Variants in DPYD observed in about 807,000 individuals in gnomAD.
The protein encoded by DPYD is dihydropyrimidine dehydrogenase.
A neutral mutation model predicts 116.2 loss-of-function variants in DPYD; 109 were observed. The observed-to-expected ratio is 0.94, with a 90% CI of 0.80 to 1.10. The LOEUF (loss-of-function observed/expected upper bound fraction) is 1.10, where lower values mean the gene tolerates loss of function less well. Ranked by LOEUF, DPYD falls within the 50% of genes least tolerant of loss-of-function variation. DPYD has a pLI of 0.00. For synonymous variants in DPYD, 440 were observed against 432.0 expected (o/e 1.02, Z -0.23); for missense variants, 1,302 against 1,254.5 (o/e 1.04, Z -0.57).
chr1:97,264,625 T>C (rs1664114064), intron 18 of DPYD, among the ~76,000 whole-genome samples: 1 of 152,128 alleles, frequency 6.6e-6, no homozygotes, highest in Non-Finnish European at 1.5e-5. Flanking sequence ...TACACAGTAA[T>C]AAATTTTTCC....
intron 19 of DPYD, among the ~76,000 whole-genome samples, chr1:97,229,698 T>C (rs987806806): frequency 6.9e-4 from 105 of 151,712 alleles, no homozygotes; most frequent in Non-Finnish European, 1.3e-3. Flanking sequence ...TCTTTAAATT[T>C]CTACAGATTA....
chr1:97,442,321 T>C (rs1283890070), intron 14 of DPYD, among the ~76,000 whole-genome samples: 2 of 150,440 alleles, frequency 1.3e-5, no homozygotes, highest in Admixed American at 6.7e-5. Flanking sequence ...ATTTTTGTTG[T>C]TGTTTCCATT....
intron 20 of DPYD, among the ~76,000 whole-genome samples, chr1:97,161,200 T>C (rs1038867366): frequency 2.6e-5 from 4 of 152,174 alleles, no homozygotes; most frequent in African/African-American, 7.2e-5. Context: ...TTCAAGGATT[T>C]TTCCCTTAAA....
chr1:97,528,513 T>C (rs537993724), intron 12 of DPYD, among the ~76,000 whole-genome samples: 2 of 152,242 alleles, frequency 1.3e-5, no homozygotes, highest in South Asian at 4.1e-4. Context: ...ATGTCCCATC[T>C]TTCTCCATCT....
intron 10 of DPYD, among the ~76,000 whole-genome samples, chr1:97,588,864 T>C (rs1245720899): frequency 6.6e-6 from 1 of 152,186 alleles, no homozygotes; most frequent in African/African-American, 2.4e-5. Context: ...TATCCTTTAG[T>C]ATTAATGCTT....
intron 13 of DPYD, among the ~76,000 whole-genome samples, chr1:97,504,139 C>T (rs1027116854): frequency 4.6e-5 from 7 of 151,946 alleles, no homozygotes; most frequent in African/African-American, 1.7e-4. Flanking sequence ...TATATGAGTC[C>T]CACTGTCATC....
Position 97,861,010 on chromosome 1 carries a change from T to A in DPYD, c.150+22254A>T, listed in dbSNP as rs538052346. Among the ~76,000 whole-genome samples the A allele has an allele frequency of 9.2e-5, 14 of 151,982 alleles. No individual in the cohort carries two copies. In the South Asian group the frequency reaches 2.7e-3, roughly 29 times the overall value. ...GAAAGGCACTTATAGAAAACTAAAA[T>A]GCAATAATAGAAACATAAATCCTTT... On this transcript the variant is annotated intron_variant, in intron 2 of 22. Coordinates refer to ENST00000370192, the MANE Select transcript of DPYD (RefSeq NM_000110.4).
At chr1:97,637,019 C>T (rs1340241749) in intron 8 of DPYD, among the ~76,000 whole-genome samples, 4 of 152,076 alleles carry the variant, frequency 2.6e-5, no homozygotes, top group African/African-American at 9.7e-5. Context: ...TGAGATTCAA[C>T]CAATGCAGAA....
At chr1:97,907,478 G>T (rs888403327) in intron 1 of DPYD, among the ~76,000 whole-genome samples, 2 of 151,988 alleles carry the variant, frequency 1.3e-5, no homozygotes, top group African/African-American at 2.4e-5. Context: ...TTTATAGATG[G>T]GGAAATTAGC....
At position 97,078,733 on chromosome 1, in the gene DPYD, G is replaced by A. The variant is rs1648953838; in HGVS notation, c.*243C>T. The A allele has an allele frequency of 6.0e-6, 3 of 500,058 alleles. No individual in the cohort carries two copies. The highest frequency in any genetic ancestry group is 5.8e-5 in the African/African-American group (3 of 51,520). The allele number at this position is 500,058 out of a possible 1,614,324, so 31.0% of individuals were successfully genotyped here. A position where few individuals can be genotyped will look rare whatever the true frequency, so the allele number is the denominator to read the frequency against. On this transcript the variant is annotated 3_prime_UTR_variant, in exon 23 of 23. Transcript: ENST00000370192. Reference sequence around the variant, plus strand: ...ACTGGCAGTGAACATCCAATTAACTGCCACACAGTTATTTAACTACTATCC... The same window carrying A: ...ACTGGCAGTGAACATCCAATTAACTACCACACAGTTATTTAACTACTATCC...
chr1:97,812,165 T>C (rs58735833), intron 3 of DPYD, among the ~76,000 whole-genome samples: 1 of 152,150 alleles, frequency 6.6e-6, no homozygotes, highest in Admixed American at 6.5e-5. Flanking sequence ...CTGGCTTCCA[T>C]CTAAATACTT....
intron 11 of DPYD, among the ~76,000 whole-genome samples, chr1:97,569,413 A>T (rs192654395): frequency 2.0e-5 from 3 of 148,322 alleles, no homozygotes; most frequent in African/African-American, 7.3e-5. Context: ...TATCATATAT[A>T]GAAATATATA....
intron 12 of DPYD, chr1:97,546,965 C>T: frequency 6.2e-7 from 1 of 1,605,952 alleles, no homozygotes; most frequent in Non-Finnish European, 8.5e-7. Flanking sequence ...GATGACTAAG[C>T]AGTACTCTGA....
intron 12 of DPYD, among the ~76,000 whole-genome samples, chr1:97,533,785 C>A (rs1475700361): frequency 3.3e-5 from 5 of 152,160 alleles, no homozygotes; most frequent in Non-Finnish European, 5.9e-5. Flanking sequence ...CTGAAATAGA[C>A]TAAGGTGAGG....
chr1:97,178,801 T>C lies in DPYD; in HGVS notation c.2622+14268A>G, dbSNP rs79421236. On this transcript the variant is annotated intron_variant, in intron 20 of 22. Transcript: ENST00000370192. ...GTGGTAATAATAGACCCTTAAATCT[T>C]AGTGGCTTAACAAAATAAAAGTTCC... Among the ~76,000 whole-genome samples the C allele has an allele frequency of 9.4e-3, 1,430 of 152,284 alleles. 29 individuals carry two copies. Among genetic ancestry groups the C allele is most frequent in the African/African-American group, 0.032 (1,343 of 41,570 alleles).
intron 14 of DPYD, among the ~76,000 whole-genome samples, chr1:97,393,540 G>A (rs962173576): frequency 2.6e-5 from 4 of 151,818 alleles, no homozygotes; most frequent in East Asian, 3.9e-4. Context: ...GAGAACATGC[G>A]GTGTTTGGTT....
intron 5 of DPYD, among the ~76,000 whole-genome samples, chr1:97,700,718 C>T (rs912451050): frequency 4.6e-5 from 7 of 151,964 alleles, no homozygotes; most frequent in African/African-American, 1.7e-4. Context: ...GAAAGAGATA[C>T]ATACATAATC....
intron 19 of DPYD, among the ~76,000 whole-genome samples, chr1:97,227,325 C>CT (rs145579212): frequency 0.093 from 6,979 of 75,428 alleles, 544 homozygotes; most frequent in East Asian, 0.31. Context: ...GAGTGAGACT[C>CT]TATCTCAAAA....
intron 6 of DPYD, among the ~76,000 whole-genome samples, chr1:97,692,435 AT>A (rs2100952353): frequency 6.6e-6 from 1 of 152,282 alleles, no homozygotes; most frequent in Admixed American, 6.5e-5. Context: ...TAAAAAAAAA[AT>A]GAGGCCTATG....
Sources: allele counts gnomAD v4.1 joint callset (sites outside exome capture counted in the v4.1 genomes callset), GRCh38; gene constraint gnomAD v4.1.1; transcripts MANE v1.5; gene names NCBI Gene and HGNC (gene_info 2026-07-23, HGNC 2026-07-21).